Variants in ABCA1 observed in about 807,000 individuals in gnomAD.
The protein encoded by ABCA1 is phospholipid-transporting ATPase ABCA1.
Under a neutral mutation model 262.5 loss-of-function variants are expected in ABCA1, and 133 were observed. The ratio of observed to expected loss-of-function variants is 0.51; its 90% confidence interval spans 0.44 to 0.59. The LOEUF is 0.59. Ranked by LOEUF, ABCA1 falls within the 20% of genes least tolerant of loss-of-function variation. ABCA1 has a pLI of 0.00. For synonymous variants in ABCA1, 1,022 were observed against 1,043.5 expected (o/e 0.98, Z 0.40); for missense variants, 2,452 against 2,777.5 (o/e 0.88, Z 2.63).
chr9:104,819,965 G>A lies in ABCA1; in HGVS notation c.3065C>T (p.Pro1022Leu). 1 of 1,613,990 alleles carries A rather than the reference G, an allele frequency of 6.2e-7. No homozygotes were observed. The highest frequency in any genetic ancestry group is 8.5e-7 in the Non-Finnish European group (1 of 1,180,014). Reference protein sequence around the residue: ...MEQMALDVGLPSSKLKSKTSQ... With the variant: ...MEQMALDVGLLSSKLKSKTSQ... ...TGTTTTGCTTTTCAGCTTGCTTGAT[G>A]GCAAACCAACATCCAGGGCCATCTG... is the stretch of plus-strand genomic sequence containing the variant. The change falls in exon 21 of 50, where the codon CCA (proline) becomes CTA (leucine). Residue 1022 changes from proline to leucine, a missense_variant. Pro to Leu is a moderately conservative substitution (Grantham distance 98, BLOSUM62 -3). This residue lies in a region of ABCA1 where 665 missense variants were observed against 727.3 expected (regional missense o/e 0.91). Transcript: ENST00000374736.
intron 5 of ABCA1, among the ~76,000 whole-genome samples, 197 bp downstream of exon 5, chr9:104,882,837 TACATC>T (rs1429310819): frequency 6.6e-6 from 1 of 152,190 alleles, no homozygotes; most frequent in East Asian, 1.9e-4. Context: ...AGAAGATTAG[TACATC>T]ACTGTCTGTG....
At chr9:104,787,545 C>T (rs559581606) in intron 46 of ABCA1, among the ~76,000 whole-genome samples, 2 of 152,272 alleles carry the variant, frequency 1.3e-5, no homozygotes, top group African/African-American at 4.8e-5. Flanking sequence ...TTCATCTATC[C>T]GTGTGTAAGG....
chr9:104,810,475 C>T (rs1018729605), intron 29 of ABCA1, among the ~76,000 whole-genome samples: 4 of 152,160 alleles, frequency 2.6e-5, no homozygotes, highest in African/African-American at 9.7e-5. Context: ...AGAATTAAAA[C>T]ACAGCTCCAC....
Position 104,828,979 on chromosome 9 carries a change from G to C in ABCA1, c.2052C>G (p.Ser684Arg). ...GAGGAATGAGGCTACTAATGAACCA[G>C]CTAAACCAGAGGATGCTGTTGTCCA... ...MGLDNSILWF[S>R]WFISSLIPLL... is the part of the protein sequence containing the mutation. Residue 684 changes from serine (S) to arginine (R), a missense_variant, in exon 15 of 50, where the codon AGC becomes AGG. Transcript: ENST00000374736. 1 of 1,614,192 alleles carries C rather than the reference G, an allele frequency of 6.2e-7. No individual in the cohort carries two copies. The highest frequency in any genetic ancestry group is 8.5e-7 in the Non-Finnish European group (1 of 1,180,040).
At chr9:104,884,889 G>A (rs1839016717) in intron 3 of ABCA1, among the ~76,000 whole-genome samples, 1 of 152,234 alleles carries the variant, frequency 6.6e-6, no homozygotes, top group African/African-American at 2.4e-5. Flanking sequence ...ACATAGAGGG[G>A]ACTTGGGGAT....
chr9:104,869,184 A>G (rs1192268555), intron 5 of ABCA1, among the ~76,000 whole-genome samples: 1 of 152,128 alleles, frequency 6.6e-6, no homozygotes, highest in East Asian at 1.9e-4. Flanking sequence ...CTTTTGCTCA[A>G]CATGAAAAGG....
At chr9:104,913,300 A>G (rs1469740225) in intron 1 of ABCA1, among the ~76,000 whole-genome samples, 4 of 152,190 alleles carry the variant, frequency 2.6e-5, no homozygotes, top group Non-Finnish European at 4.4e-5. Context: ...GAGGTTTTAG[A>G]GTCAGAGAAA....
At chr9:104,820,227 G>A (rs1180276772) in intron 20 of ABCA1, among the ~76,000 whole-genome samples, 158 bp from the exon 21 acceptor site, 1 of 152,160 alleles carries the variant, frequency 6.6e-6, no homozygotes, top group Non-Finnish European at 1.5e-5. Context: ...AAGATTCAAG[G>A]TAGAACAACA....
intron 5 of ABCA1, among the ~76,000 whole-genome samples, chr9:104,872,034 AAT>A (rs1441904784): frequency 6.6e-6 from 1 of 152,040 alleles, no homozygotes; most frequent in African/African-American, 2.4e-5. Context: ...ACAATGTATA[AAT>A]AGTTTAATTT....
chr9:104,790,426 C>G (rs182565445), intron 44 of ABCA1, among the ~76,000 whole-genome samples: 75 of 152,186 alleles, frequency 4.9e-4, no homozygotes, highest in South Asian at 8.3e-4. Context: ...TTTTATGTAG[C>G]AATGTAAAAT....
chr9:104,858,844 G>C, intron 6 of ABCA1, 146 bp from the exon 7 acceptor site: 1 of 795,192 alleles, frequency 1.3e-6, no homozygotes, highest in Non-Finnish European at 2.1e-6. Flanking sequence ...CAATGCATCA[G>C]GTCTCTTTAC....
chr9:104,884,169 T>C (rs1222367762), intron 4 of ABCA1, among the ~76,000 whole-genome samples: 3 of 152,138 alleles, frequency 2.0e-5, no homozygotes, highest in Admixed American at 6.5e-5. Flanking sequence ...CAACATATAG[T>C]ATATTCCAAA....
intron 1 of ABCA1, among the ~76,000 whole-genome samples, chr9:104,924,752 C>G (rs2437820): frequency 0.46 from 69,723 of 151,906 alleles, 16,189 homozygotes; most frequent in East Asian, 0.65. Context: ...CTTATTCTAG[C>G]AGCTAAAAAT....
In ABCA1 at chr9:104,831,047, C is replaced by G. The variant is rs1177298031; in HGVS notation, c.1770G>C (p.Trp590Cys). 1.9e-6 allele frequency: 3 copies of G among 1,613,748 alleles called. No individual in the cohort carries two copies. Among genetic ancestry groups the G allele is most frequent in the South Asian group, 1.1e-5 (1 of 91,038 alleles). The change falls in exon 14 of 50, where the codon TGG (tryptophan) becomes TGC (cysteine). Residue 590 changes from tryptophan (W) to cysteine (C), a missense_variant. Physicochemically the swap from Trp to Cys is radical, Grantham distance 215 (BLOSUM62 -2). Transcript: ENST00000374736. ...ADPFEDMRYVWGGFAYLQDVV... is the reference protein window; with the variant it reads ...ADPFEDMRYVCGGFAYLQDVV... ...CATCCTGCAAGTAGGCGAAGCCCCC[C>G]CAGACGTACCGCATGTCCTCAAAGG...
chr9:104,849,838 A>C (rs1421306080), intron 7 of ABCA1, among the ~76,000 whole-genome samples: 3 of 152,250 alleles, frequency 2.0e-5, no homozygotes, highest in Non-Finnish European at 4.4e-5. Context: ...ATGTATCAAC[A>C]TTGATAAATC....
At chr9:104,878,253 C>G (rs757693617) in intron 5 of ABCA1, among the ~76,000 whole-genome samples, 1 of 152,220 alleles carries the variant, frequency 6.6e-6, no homozygotes, top group Non-Finnish European at 1.5e-5. Context: ...CACCACACCA[C>G]TCAACTTGTG....
At chr9:104,858,976 C>G (rs1203889710) in intron 6 of ABCA1, among the ~76,000 whole-genome samples, 5 of 152,190 alleles carry the variant, frequency 3.3e-5, no homozygotes, top group Admixed American at 2.0e-4. Flanking sequence ...CAGAGTCCAA[C>G]TCGTTTTCTT....
chr9:104,868,848 C>T (rs1369956434), intron 5 of ABCA1, among the ~76,000 whole-genome samples: 1 of 152,170 alleles, frequency 6.6e-6, no homozygotes, highest in Non-Finnish European at 1.5e-5. Context: ...AGGTCCAGGC[C>T]TCTGGGACCA....
intron 1 of ABCA1, among the ~76,000 whole-genome samples, chr9:104,926,640 G>A (rs934571079): frequency 6.6e-6 from 1 of 152,120 alleles, no homozygotes; most frequent in African/African-American, 2.4e-5. Flanking sequence ...GTCTCCGGGG[G>A]CCACCGCAGC....
Sources: gnomAD v4.1 joint callset for allele counts (sites outside exome capture counted in the v4.1 genomes callset) on GRCh38, gnomAD v4.1.1 for gene constraint, gnomAD v4.1.1 regional missense constraint, MANE v1.5 for transcripts, NCBI Gene and HGNC (gene_info 2026-07-23, HGNC 2026-07-21) for gene names.